Variants in MAPK10 observed in about 807,000 individuals in gnomAD.
The protein encoded by MAPK10 is mitogen-activated protein kinase 10.
In MAPK10, 25 loss-of-function variants were observed where a neutral mutation model predicts 59.3. The observed-to-expected ratio is 0.42, with a 90% CI of 0.31 to 0.59. The LOEUF is 0.59. Among genes scored for constraint, MAPK10 ranks in the 20% least tolerant of loss-of-function variants. The pLI is 0.15. For missense variants in MAPK10, 351 were observed against 568.9 expected (o/e 0.62, Z 3.90); for synonymous variants, 190 against 200.5 (o/e 0.95, Z 0.44).
At chr4:86,517,073 T>C (rs1756724271) in intron 1 of MAPK10, among the ~76,000 whole-genome samples, 1 of 152,156 alleles carries the variant, frequency 6.6e-6, no homozygotes, top group African/African-American at 2.4e-5. Context: ...TTTATTACCT[T>C]AAGGTATGTC....
chr4:86,182,202 TA>T (rs780898527), intron 3 of MAPK10, among the ~76,000 whole-genome samples: 1 of 151,744 alleles, frequency 6.6e-6, no homozygotes, highest in African/African-American at 2.4e-5. Flanking sequence ...TTGGTTGGGT[TA>T]AAAAAAATAA....
chr4:86,203,755 T>C (rs1317441610), intron 2 of MAPK10, among the ~76,000 whole-genome samples: 2 of 151,110 alleles, frequency 1.3e-5, no homozygotes, highest in African/African-American at 2.4e-5. Context: ...AGACACACTC[T>C]GTCTCTTCCA....
intron 11 of MAPK10, among the ~76,000 whole-genome samples, chr4:86,050,830 A>G (rs1214712808): frequency 6.6e-6 from 1 of 152,200 alleles, no homozygotes; most frequent in African/African-American, 2.4e-5. Context: ...GCATTCTGGC[A>G]TATATGTCCT....
chr4:86,101,884 G>T lies in MAPK10; in HGVS notation c.564+10C>A. 6.2e-7 allele frequency: 1 copy of T among 1,613,540 alleles called. No individual in the cohort carries two copies. The highest frequency in any genetic ancestry group is 8.5e-7 in the Non-Finnish European group (1 of 1,179,636). On this transcript the variant is annotated intron_variant, in intron 7 of 13. Coordinates refer to ENST00000641462, the MANE Select transcript of MAPK10 (RefSeq NM_138982.4). ...CATTTGAATTGTAATCCTAGAGAAG[G>T]TGTTCTTACCCTGTGAATAATTCCA...
chr4:86,019,157 T>C (rs763672061), intron 13 of MAPK10, among the ~76,000 whole-genome samples: 8 of 152,210 alleles, frequency 5.3e-5, no homozygotes, highest in Non-Finnish European at 1.0e-4. Flanking sequence ...GCACCGATCT[T>C]CAAATAAACG....
At chr4:86,430,351 C>CT (rs1747874357) in intron 1 of MAPK10, among the ~76,000 whole-genome samples, 1 of 152,148 alleles carries the variant, frequency 6.6e-6, no homozygotes, top group African/African-American at 2.4e-5. Flanking sequence ...GTACTAAAGT[C>CT]TTTGTCTACC....
At position 86,203,953 on chromosome 4, in the gene MAPK10, C is replaced by T. The variant is rs147902272; in HGVS notation, c.-6-9546G>A. On this transcript the variant is annotated intron_variant, in intron 2 of 13. Coordinates refer to ENST00000641462, the MANE Select transcript of MAPK10 (RefSeq NM_138982.4). ...AGTAGATGTGCTATCACTTAGAGCA[C>T]GAGGCAGCAAGTTATGGTCCATCAG... Among the ~76,000 whole-genome samples, 1,183 of 151,902 alleles carry T rather than the reference C, an allele frequency of 7.8e-3. 14 individuals carry two copies. The highest frequency in any genetic ancestry group is 0.027 in the African/African-American group (1,106 of 41,476).
At chr4:86,232,243 T>G (rs1224029096) in intron 2 of MAPK10, among the ~76,000 whole-genome samples, 2 of 152,176 alleles carry the variant, frequency 1.3e-5, no homozygotes, top group Non-Finnish European at 2.9e-5. Flanking sequence ...ACCATAAACA[T>G]GAGCAAAATG....
intron 2 of MAPK10, among the ~76,000 whole-genome samples, chr4:86,225,000 C>T (rs1377173801): frequency 6.6e-6 from 1 of 152,146 alleles, no homozygotes; most frequent in Non-Finnish European, 1.5e-5. Context: ...TAACTGTTCT[C>T]AATTAGTGTG....
chr4:86,329,203 G>A (rs987589164), intron 2 of MAPK10, among the ~76,000 whole-genome samples: 2 of 152,042 alleles, frequency 1.3e-5, no homozygotes, highest in Admixed American at 1.3e-4. Context: ...CTGGTCTGTG[G>A]TATTCTGTTA....
At chr4:86,056,933 T>A (rs1479738129) in intron 11 of MAPK10, among the ~76,000 whole-genome samples, 2 of 112,310 alleles carry the variant, frequency 1.8e-5, no homozygotes, top group African/African-American at 4.5e-5. Context: ...GGTCAGGACT[T>A]TTTTGTTTAT....
intron 2 of MAPK10, among the ~76,000 whole-genome samples, chr4:86,353,988 C>T (rs1180828173): frequency 6.6e-6 from 1 of 152,140 alleles, no homozygotes; most frequent in Non-Finnish European, 1.5e-5. Context: ...GGCAGAGCAA[C>T]TGTATCTATT....
chr4:86,207,753 A>G (rs986912832), intron 2 of MAPK10, among the ~76,000 whole-genome samples: 3 of 151,974 alleles, frequency 2.0e-5, no homozygotes, highest in Admixed American at 2.0e-4. Context: ...TCCTTGAAGA[A>G]GTCCTTCATG....
chr4:86,233,586 T>C (rs912821292), intron 2 of MAPK10, among the ~76,000 whole-genome samples: 1 of 152,070 alleles, frequency 6.6e-6, no homozygotes, highest in South Asian at 2.1e-4. Context: ...TCCAAGCAGG[T>C]CGGATAGGCT....
chr4:86,257,445 C>G (rs2093793587), intron 2 of MAPK10, among the ~76,000 whole-genome samples: 1 of 152,214 alleles, frequency 6.6e-6, no homozygotes, highest in Non-Finnish European at 1.5e-5. Context: ...TTAAATGTTG[C>G]TAAATCTTCC....
chr4:86,346,365 A>G (rs1051182053), intron 2 of MAPK10, among the ~76,000 whole-genome samples: 2 of 152,186 alleles, frequency 1.3e-5, no homozygotes, highest in Non-Finnish European at 2.9e-5. Context: ...TCAACTCTGC[A>G]TTACCTATGG....
chr4:86,242,762 G>C (rs2092817953), intron 2 of MAPK10, among the ~76,000 whole-genome samples: 1 of 152,234 alleles, frequency 6.6e-6, no homozygotes, highest in African/African-American at 2.4e-5. Context: ...TGCCCAGAGA[G>C]CTTAGCATGT....
chr4:86,568,765 T>G (rs61152200), intron 1 of MAPK10, among the ~76,000 whole-genome samples: 49,170 of 151,898 alleles, frequency 0.32, 8,152 homozygotes, highest in Admixed American at 0.37. Flanking sequence ...AAATTGGACT[T>G]CTCTTTCTCA....
At chr4:86,517,101 G>T (rs1402009242) in intron 1 of MAPK10, among the ~76,000 whole-genome samples, 2 of 151,714 alleles carry the variant, frequency 1.3e-5, no homozygotes, top group Admixed American at 1.3e-4. Flanking sequence ...TGCTGATTTT[G>T]CTGAGAGTTT....
Sources: allele counts gnomAD v4.1 joint callset (sites outside exome capture counted in the v4.1 genomes callset), GRCh38; gene constraint gnomAD v4.1.1; transcripts MANE v1.5; gene names NCBI Gene and HGNC (gene_info 2026-07-23, HGNC 2026-07-21).